Variants in CFAP61 observed in about 807,000 individuals in gnomAD.
CFAP61 encodes cilia and flagella associated protein 61, also known as cilia- and flagella-associated protein 61.
CFAP61 carries 107 observed loss-of-function variants against 135.6 expected under a neutral mutation model. That is an observed-to-expected ratio of 0.79 (90% CI 0.67 to 0.93). The LOEUF (loss-of-function observed/expected upper bound fraction) is 0.93. CFAP61 is among the 40% of genes least tolerant of loss of function. The pLI, the probability that CFAP61 is intolerant of heterozygous loss-of-function variation, is 0.00. For missense variants in CFAP61, 1,507 were observed against 1,556.2 expected, an observed-to-expected ratio of 0.97 and a Z score of 0.53; for synonymous variants, 575 against 578.5, an observed-to-expected ratio of 0.99 and a Z score of 0.09.
At chr20:20,300,106 G>A (rs1233614141) in intron 25 of CFAP61, among the ~76,000 whole-genome samples, 3 of 152,160 alleles carry the variant, frequency 2.0e-5, no homozygotes, top group Admixed American at 6.5e-5. Flanking sequence ...CATGACTCAC[G>A]TGTTTGTGGT....
At chr20:20,075,903 T>C (rs1035963934) in intron 6 of CFAP61, among the ~76,000 whole-genome samples, 1 of 152,126 alleles carries the variant, frequency 6.6e-6, no homozygotes, top group Non-Finnish European at 1.5e-5. Flanking sequence ...AAGATAACTT[T>C]CAAATAAAAC....
intron 20 of CFAP61, chr20:20,253,882 G>A (rs1212788998): frequency 5.8e-6 from 1 of 173,312 alleles, no homozygotes; most frequent in African/African-American, 2.4e-5. Context: ...CAAGCTCCCG[G>A]GTGAGGCCAG....
At chr20:20,136,496 C>A (rs1322242401) in intron 8 of CFAP61, among the ~76,000 whole-genome samples, 7 of 142,462 alleles carry the variant, frequency 4.9e-5, no homozygotes, top group Non-Finnish European at 3.1e-5. Flanking sequence ...CTAATTCTTT[C>A]TTTTGCTTAG....
At chr20:20,246,632 C>T (rs1023429548) in intron 19 of CFAP61, among the ~76,000 whole-genome samples, 2 of 152,218 alleles carry the variant, frequency 1.3e-5, no homozygotes, top group African/African-American at 2.4e-5. Context: ...AACTTCCATG[C>T]CAGTCTGGGT....
chr20:20,132,274 T>C (rs1350270584), intron 8 of CFAP61, among the ~76,000 whole-genome samples: 1 of 152,160 alleles, frequency 6.6e-6, no homozygotes, highest in Admixed American at 6.5e-5. Flanking sequence ...AAAAGCTGAA[T>C]AATAATAGTC....
intron 15 of CFAP61, among the ~76,000 whole-genome samples, chr20:20,192,680 C>T (rs1434163750): frequency 6.6e-6 from 1 of 152,118 alleles, no homozygotes; most frequent in East Asian, 1.9e-4. Flanking sequence ...CTCCAATTAT[C>T]CTAATCTGAT....
Position 20,166,384 on chromosome 20 carries a change from G to A in CFAP61, c.1206-13G>A. 1 of 1,612,966 alleles carries A rather than the reference G, an allele frequency of 6.2e-7. No individual in the cohort carries two copies. The highest frequency in any genetic ancestry group is 8.5e-7 in the Non-Finnish European group (1 of 1,179,108). ...TTGCAGGGCACTGACAGTGCTTACTGTCTTGTTTACAGGTCGCTGGATTTT... is the reference window on the plus strand; with the variant it reads ...TTGCAGGGCACTGACAGTGCTTACTATCTTGTTTACAGGTCGCTGGATTTT... On this transcript the variant is annotated splice_polypyrimidine_tract_variant and intron_variant, in intron 11 of 26. Transcript: ENST00000245957.
chr20:20,322,329 G>A (rs756679738), intron 25 of CFAP61, among the ~76,000 whole-genome samples: 12 of 152,166 alleles, frequency 7.9e-5, no homozygotes, highest in Non-Finnish European at 1.5e-4. Flanking sequence ...ATCAAATGAC[G>A]TTCCCTGTTT....
chr20:20,117,049 C>T (rs1229325037), intron 8 of CFAP61, among the ~76,000 whole-genome samples: 1 of 152,080 alleles, frequency 6.6e-6, no homozygotes. Flanking sequence ...GTTATTGATG[C>T]CTTCGTCAAA....
intron 17 of CFAP61, among the ~76,000 whole-genome samples, chr20:20,212,912 GT>G (rs2047757899): frequency 6.6e-6 from 1 of 152,192 alleles, no homozygotes; most frequent in Non-Finnish European, 1.5e-5. Context: ...CATAGCACTT[GT>G]GTTCTAGTTG....
Position 20,166,448 on chromosome 20 carries a change from C to A in CFAP61, c.1245+12C>A. 6.2e-7 allele frequency: 1 copy of A among 1,606,582 alleles called. No individual in the cohort carries two copies. The highest frequency in any genetic ancestry group is 8.5e-7 in the Non-Finnish European group (1 of 1,173,456). ...TCAGTCTTTTTTCTGTAAGTACATGCTGAATTTTGAGAACTGATTTTGTAA... is the reference window on the plus strand; with the variant it reads ...TCAGTCTTTTTTCTGTAAGTACATGATGAATTTTGAGAACTGATTTTGTAA... On this transcript the variant is annotated intron_variant, in intron 12 of 26. Transcript: ENST00000245957.
intron 8 of CFAP61, among the ~76,000 whole-genome samples, chr20:20,141,019 T>G (rs1325106100): frequency 6.6e-6 from 1 of 151,750 alleles, no homozygotes; most frequent in Non-Finnish European, 1.5e-5. Context: ...GCCTCCCAGG[T>G]TCAAGTGATT....
Position 20,075,585 on chromosome 20 carries a change from A to G in CFAP61, c.536A>G (p.His179Arg). The stretch of plus-strand genomic sequence containing the variant: ...GTGCATATATGTCACAGGCACAGCC[A>G]CTATCCTCAGCTGCACGTTCGCAAA... ...FAVHICHRHS[H>R]YPQLHVRKAR... Residue 179 changes from histidine (H) to arginine (R), a missense_variant, in exon 6 of 27, where the codon CAC (histidine) becomes CGC (arginine). His to Arg is a conservative substitution (Grantham distance 29, BLOSUM62 0). Coordinates refer to ENST00000245957, the MANE Select transcript of CFAP61 (RefSeq NM_015585.4). 9 of 1,614,202 alleles carry G rather than the reference A, an allele frequency of 5.6e-6. No individual in the cohort carries two copies. The highest frequency in any genetic ancestry group is 1.3e-5 in the African/African-American group (1 of 75,062).
chr20:20,312,467 C>A (rs1280219451), intron 25 of CFAP61, among the ~76,000 whole-genome samples: 3 of 152,102 alleles, frequency 2.0e-5, no homozygotes, highest in Non-Finnish European at 4.4e-5. Flanking sequence ...CAAAATAAAA[C>A]ACACAGAGGA....
Position 20,070,903 on chromosome 20 carries a change from A to G in CFAP61, c.193A>G (p.Met65Val), listed in dbSNP as rs1266983943. 2 of 1,614,142 alleles carry G rather than the reference A, an allele frequency of 1.2e-6. No homozygotes were observed. The highest frequency in any genetic ancestry group is 1.6e-4 in the Middle Eastern group (1 of 6,062). Residue 65 changes from methionine (M) to valine (V), a missense_variant, in exon 3 of 27, where the codon ATG becomes GTG. Physicochemically the swap from Met to Val is conservative, Grantham distance 21. Coordinates refer to ENST00000245957, the MANE Select transcript of CFAP61 (RefSeq NM_015585.4). Reference sequence around the variant, plus strand: ...CCTCTGCAATGACAAGGAGGAGATCATGGCCCAGGCCACCTTCCTGGACTA... The same window carrying G: ...CCTCTGCAATGACAAGGAGGAGATCGTGGCCCAGGCCACCTTCCTGGACTA... ...VTLCNDKEEI[M>V]AQATFLDYPN...
intron 25 of CFAP61, among the ~76,000 whole-genome samples, chr20:20,309,227 T>A (rs2056668181): frequency 6.6e-6 from 1 of 152,194 alleles, no homozygotes; most frequent in South Asian, 2.1e-4. Context: ...GTTTAATTTT[T>A]AAAAATTTCC....
chr20:20,272,186 T>A (rs2053408797), intron 21 of CFAP61, among the ~76,000 whole-genome samples: 3 of 152,232 alleles, frequency 2.0e-5, no homozygotes. Context: ...ATGCCTATAA[T>A]CTTAGCACTT....
chr20:20,077,247 A>T (rs1239307661), intron 6 of CFAP61, among the ~76,000 whole-genome samples: 2 of 152,246 alleles, frequency 1.3e-5, no homozygotes, highest in Non-Finnish European at 2.9e-5. Context: ...ATTCAGTGGA[A>T]TGAACCATTT....
chr20:20,054,651 TG>T (rs1278302951), intron 1 of CFAP61, among the ~76,000 whole-genome samples: 1 of 152,246 alleles, frequency 6.6e-6, no homozygotes, highest in Non-Finnish European at 1.5e-5. Context: ...AGACAACATG[TG>T]GCTCATAAAG....
Sources: allele counts gnomAD v4.1 joint callset (sites outside exome capture counted in the v4.1 genomes callset), GRCh38; gene constraint gnomAD v4.1.1; transcripts MANE v1.5; gene names NCBI Gene and HGNC (gene_info 2026-07-23, HGNC 2026-07-21).